PIH1D1: variants seen among roughly 807,000 people sequenced by gnomAD.
The protein encoded by PIH1D1 is PIH1 domain-containing protein 1.
A neutral mutation model predicts 38.5 loss-of-function variants in PIH1D1; 28 were observed. That is an observed-to-expected ratio of 0.73 (90% CI 0.54 to 1.00). The LOEUF is 1.00. PIH1D1 is among the 50% of genes least tolerant of loss of function. The pLI is 0.00. For missense variants in PIH1D1, 343 were observed against 369.9 expected, an observed-to-expected ratio of 0.93 and a Z score of 0.60; for synonymous variants, 155 against 153.5, an observed-to-expected ratio of 1.01 and a Z score of -0.07.
At position 49,447,107 on chromosome 19, in the gene PIH1D1, G is replaced by A. The variant is rs764729290; in HGVS notation, c.612-8C>T. 6.2e-6 allele frequency: 10 copies of A among 1,608,178 alleles called. No homozygotes were observed. Among genetic ancestry groups the A allele is most frequent in the Non-Finnish European group, 8.5e-6 (10 of 1,177,070 alleles). ...AGGTGAGGCTTTTCAGGCCTGAGGAGGAACAAGGTCCAGGGCTGAGCACAG... is the reference window on the plus strand; with the variant it reads ...AGGTGAGGCTTTTCAGGCCTGAGGAAGAACAAGGTCCAGGGCTGAGCACAG... On this transcript the variant is annotated splice_region_variant and splice_polypyrimidine_tract_variant and intron_variant, in intron 6 of 8. Coordinates refer to ENST00000262265, the MANE Select transcript of PIH1D1 (RefSeq NM_017916.3).
chr19:49,448,360 G>A (rs1029077645), intron 3 of PIH1D1: 14 of 460,230 alleles, frequency 3.0e-5, no homozygotes, highest in Admixed American at 1.1e-4. Flanking sequence ...CCACAAGCCT[G>A]GCGTTGGAGA....
At chr19:49,446,998 G>A (rs1418120917) in intron 7 of PIH1D1, 26 bp downstream of exon 7, 2 of 1,579,120 alleles carry the variant, frequency 1.3e-6, no homozygotes, top group Admixed American at 3.3e-5. Flanking sequence ...TCATTCCCCT[G>A]CTCTGGTCCA....
At chr19:49,446,525 C>T (rs1349434570) in intron 8 of PIH1D1, 26 bp downstream of exon 8, 7 of 1,613,276 alleles carry the variant, frequency 4.3e-6, no homozygotes, top group Non-Finnish European at 5.9e-6. Flanking sequence ...AATGTCCCAG[C>T]TTCCCCAAGC....
At chr19:49,450,677 A>AACC in intron 2 of PIH1D1, 105 bp downstream of exon 2, 4 of 353,416 alleles carry the variant, frequency 1.1e-5, no homozygotes, top group South Asian at 5.0e-5. Flanking sequence ...GTGTCTGCTC[A>AACC]CCCCACCCCC....
intron 3 of PIH1D1, 64 bp from the exon 4 acceptor site, chr19:49,448,126 C>T (rs2079036376): frequency 6.6e-7 from 1 of 1,519,056 alleles, no homozygotes; most frequent in South Asian, 1.1e-5. Flanking sequence ...AGCCCAGACC[C>T]AGACAGGGAA....
intron 2 of PIH1D1, among the ~76,000 whole-genome samples, chr19:49,450,175 T>C (rs2079049912): frequency 6.6e-6 from 1 of 152,078 alleles, no homozygotes; most frequent in South Asian, 2.1e-4. Context: ...CACCGCAGTC[T>C]CTTCCACCTG....
In PIH1D1 at chr19:49,446,707, C is replaced by T. The variant is rs111663333; in HGVS notation, c.688-13G>A. ...CCAGGGCTCCATCCTGGAGAGGTGGCGGAATCAGGTCACCCTCCCCAGCAA... is the reference window on the plus strand; with the variant it reads ...CCAGGGCTCCATCCTGGAGAGGTGGTGGAATCAGGTCACCCTCCCCAGCAA... On this transcript the variant is annotated splice_polypyrimidine_tract_variant and intron_variant, in intron 7 of 8. Transcript: ENST00000262265. 8.4e-6 allele frequency: 13 copies of T among 1,538,544 alleles called. No homozygotes were observed. Among genetic ancestry groups the T allele is most frequent in the Middle Eastern group, 1.8e-4 (1 of 5,666 alleles).
At position 49,448,079 on chromosome 19, in the gene PIH1D1, G is replaced by C. The variant is rs369990368; in HGVS notation, c.338-17C>G. On this transcript the variant is annotated splice_polypyrimidine_tract_variant and intron_variant, in intron 3 of 8. Transcript: ENST00000262265. ...CCTGGCCTTCTGCGGGGAGAAAAAG[G>C]GGGTGAGGACCCCCCAGCCCTCTGC... 21 of 1,613,786 alleles carry C rather than the reference G, an allele frequency of 1.3e-5. No individual in the cohort carries two copies. Among genetic ancestry groups the C allele is most frequent in the Admixed American group, 5.0e-5 (3 of 60,000 alleles).
At chr19:49,451,025 CTTTTTTTTT>C (rs10616213) in intron 1 of PIH1D1, 177 bp from the exon 2 acceptor site, 12 of 550,654 alleles carry the variant, frequency 2.2e-5, no homozygotes, top group African/African-American at 9.4e-5. Context: ...ATTCCCATTT[CTTTTTTTTT>C]TTTTTTTTTT....
In PIH1D1 at chr19:49,447,111, C is replaced by T. The variant is rs758350609; in HGVS notation, c.612-12G>A. The T allele has an allele frequency of 1.2e-6, 2 of 1,607,558 alleles. No homozygotes were observed. The highest frequency in any genetic ancestry group is 1.7e-5 in the Admixed American group (1 of 58,602). On this transcript the variant is annotated splice_polypyrimidine_tract_variant and intron_variant, in intron 6 of 8. Transcript: ENST00000262265. ...GAGGCTTTTCAGGCCTGAGGAGGAA[C>T]AAGGTCCAGGGCTGAGCACAGCTGC...
chr19:49,451,308 T>C lies in PIH1D1; in HGVS notation c.90+177A>G, dbSNP rs1006229256. ...CCTCCCAAAGTGGTGGGATTACAGG[T>C]GTGAGCCACCGCGCCCGGCCCCCCA... On this transcript the variant is annotated intron_variant, in intron 1 of 8. Transcript: ENST00000262265. 9.4e-5 allele frequency: 76 copies of C among 810,766 alleles called. No homozygotes were observed. In the South Asian group the frequency reaches 1.2e-3, roughly 13 times the overall value. The allele number at this position is 810,766 out of a possible 1,614,324, so 50.2% of individuals were successfully genotyped here.
At chr19:49,446,824 C>G (rs745802173) in intron 7 of PIH1D1, 130 bp from the exon 8 acceptor site, 2 of 1,172,304 alleles carry the variant, frequency 1.7e-6, no homozygotes, top group Non-Finnish European at 2.4e-6. Flanking sequence ...CAGAAGACAG[C>G]AATTACAAGT....
At position 49,446,639 on chromosome 19, in the gene PIH1D1, C is replaced by A; in HGVS notation, c.743G>T (p.Gly248Val). The A allele has an allele frequency of 3.1e-6, 5 of 1,602,940 alleles. No individual in the cohort carries two copies. The highest frequency in any genetic ancestry group is 4.3e-6 in the Non-Finnish European group (5 of 1,174,130). Residue 248 changes from glycine (G) to valine (V), a missense_variant, in exon 8 of 9, where the codon GGC (glycine) becomes GTC (valine). By Grantham distance (109) the Gly-to-Val change is moderately radical. Coordinates refer to ENST00000262265, the MANE Select transcript of PIH1D1 (RefSeq NM_017916.3). ...EIGENRLVMG[G>V]PQQLYHLDAY... ...GTCTAGATGATACAGCTGCTGGGGG[C>A]CCCCCATCACCAGGCGGTTCTCCCC... is the stretch of plus-strand genomic sequence containing the variant.
chr19:49,450,690 C>CCCCCCCCT, intron 2 of PIH1D1, 92 bp downstream of exon 2: 2 of 690,734 alleles, frequency 2.9e-6, no homozygotes, highest in Non-Finnish European at 4.6e-6. Context: ...CCACCCCCAC[C>CCCCCCCCT]CTAGGCCTTT....
chr19:49,446,435 G>T lies in PIH1D1; in HGVS notation c.832-12C>A. On this transcript the variant is annotated splice_polypyrimidine_tract_variant and intron_variant, in intron 8 of 8. Transcript: ENST00000262265. ...GCCACCATTAATTGCTGAGGAGACA[G>T]AGCAAAGAGAATGAGGATCCAGGAC... is the stretch of plus-strand genomic sequence containing the variant. The T allele has an allele frequency of 9.1e-7, 1 of 1,103,972 alleles. No individual in the cohort carries two copies. Among genetic ancestry groups the T allele is most frequent in the Non-Finnish European group, 1.4e-6 (1 of 713,528 alleles). 68.4% of individuals were successfully genotyped at this position (1,103,972 alleles called of 1,614,324 possible). A position where few individuals can be genotyped will look rare whatever the true frequency, so the allele number is the denominator to read the frequency against.
In PIH1D1 at chr19:49,447,461, C is replaced by A. The variant is rs773505984; in HGVS notation, c.488G>T (p.Arg163Leu). 1 of 1,608,964 alleles carries A rather than the reference C, an allele frequency of 6.2e-7. No homozygotes were observed. Among genetic ancestry groups the A allele is most frequent in the Admixed American group, 1.7e-5 (1 of 59,996 alleles). Residue 163 changes from arginine to leucine, a missense_variant, in exon 6 of 9, where the codon CGC (arginine) becomes CTC (leucine). Arg to Leu is a moderately radical substitution (Grantham distance 102, BLOSUM62 -2). Transcript: ENST00000262265. ...CATGAATGGCCGGTTCTTCATCATG[C>A]GCCATTCTGAGGGTCAGGAGCGCCG... Reference protein sequence around the residue: ...KYNLQLNPEWRMMKNRPFMGS... With the variant: ...KYNLQLNPEWLMMKNRPFMGS...
At position 49,447,920 on chromosome 19, in the gene PIH1D1, G is replaced by A. The variant is rs576423560; in HGVS notation, c.400-12C>T. On this transcript the variant is annotated splice_polypyrimidine_tract_variant and intron_variant, in intron 4 of 8. Coordinates refer to ENST00000262265, the MANE Select transcript of PIH1D1 (RefSeq NM_017916.3). ...AAGAAATCGCTGTTCTGGGGTGACAGAGAGGGAAAAGACAGGCGGTGGCGG... is the reference window on the plus strand; with the variant it reads ...AAGAAATCGCTGTTCTGGGGTGACAAAGAGGGAAAAGACAGGCGGTGGCGG... 29 of 1,614,084 alleles carry A rather than the reference G, an allele frequency of 1.8e-5. No homozygotes were observed. In the South Asian group the frequency reaches 2.9e-4, roughly 16 times the overall value.
At position 49,449,615 on chromosome 19, in the gene PIH1D1, A is replaced by T; in HGVS notation, c.197T>A (p.Phe66Tyr). 4.3e-6 allele frequency: 7 copies of T among 1,614,072 alleles called. 1 individual carries two copies. In the Middle Eastern group the frequency reaches 1.2e-3, roughly 266 times the overall value. ...IKTNSSEGKV[F>Y]INICHSPSIP... ...AGAGGGGGAGTGGCAGATGTTGATG[A>T]AAACCTTCCCTTCCGAGGAGTTGGT... Residue 66 changes from phenylalanine (F) to tyrosine (Y), a missense_variant, in exon 3 of 9, where the codon TTC becomes TAC. Phe to Tyr is a conservative substitution (Grantham distance 22). Coordinates refer to ENST00000262265, the MANE Select transcript of PIH1D1 (RefSeq NM_017916.3).
chr19:49,447,680 G>GC, intron 5 of PIH1D1, 147 bp downstream of exon 5: 2 of 978,956 alleles, frequency 2.0e-6, no homozygotes, highest in Non-Finnish European at 3.1e-6. Flanking sequence ...TCCTGGCCCC[G>GC]CCCCCTCAGG....
Sources: gnomAD v4.1 joint callset for allele counts (sites outside exome capture counted in the v4.1 genomes callset) on GRCh38, gnomAD v4.1.1 for gene constraint, MANE v1.5 for transcripts, NCBI Gene and HGNC (gene_info 2026-07-23, HGNC 2026-07-21) for gene names.